CFAP299: variants seen among roughly 807,000 people sequenced by gnomAD.
The protein encoded by CFAP299 is cilia- and flagella-associated protein 299.
In CFAP299, 21 loss-of-function variants were observed where a neutral mutation model predicts 27.0. That is an observed-to-expected ratio of 0.78 (90% confidence interval 0.55 to 1.12). The LOEUF (loss-of-function observed/expected upper bound fraction) is 1.12, where lower values mean the gene tolerates loss of function less well. Ranked by LOEUF, CFAP299 falls within the 50% of genes most tolerant of loss-of-function variation. The pLI is 0.00. For synonymous variants in CFAP299, 104 were observed against 98.1 expected, an observed-to-expected ratio of 1.06 and a Z score of -0.36; for missense variants, 310 against 276.6, an observed-to-expected ratio of 1.12 and a Z score of -0.86.
intron 2 of CFAP299, among the ~76,000 whole-genome samples, chr4:80,582,415 G>A (rs1168156180): frequency 6.6e-6 from 1 of 151,828 alleles, no homozygotes; most frequent in South Asian, 2.1e-4. Flanking sequence ...CTGGTTCATA[G>A]CAGACACATA....
intron 2 of CFAP299, among the ~76,000 whole-genome samples, chr4:80,437,420 A>T (rs1728143550): frequency 6.6e-6 from 1 of 152,214 alleles, no homozygotes. Flanking sequence ...TATTATTCAC[A>T]GAAATAGCAG....
At chr4:80,526,588 C>T (rs1358906262) in intron 2 of CFAP299, among the ~76,000 whole-genome samples, 1 of 151,698 alleles carries the variant, frequency 6.6e-6, no homozygotes, top group Non-Finnish European at 1.5e-5. Flanking sequence ...TCTGTACAAC[C>T]CTACATTTTC....
chr4:80,918,951 G>C (rs1363116888), intron 4 of CFAP299, among the ~76,000 whole-genome samples: 2 of 152,082 alleles, frequency 1.3e-5, no homozygotes, highest in African/African-American at 4.8e-5. Context: ...AGACTGTGAT[G>C]GTGGCTGAGA....
intron 2 of CFAP299, among the ~76,000 whole-genome samples, chr4:80,380,422 A>T (rs867063425): frequency 3.7e-4 from 36 of 96,134 alleles, no homozygotes; most frequent in African/African-American, 9.2e-4. Context: ...TGTGTCTCAC[A>T]TTTTTTTTTT....
chr4:80,540,349 G>C (rs972539978), intron 2 of CFAP299, among the ~76,000 whole-genome samples: 3 of 152,168 alleles, frequency 2.0e-5, no homozygotes, highest in Admixed American at 2.0e-4. Flanking sequence ...AACGTTCCTA[G>C]TTTGAGAAAT....
At chr4:80,812,288 C>T (rs1009326887) in intron 3 of CFAP299, among the ~76,000 whole-genome samples, 2 of 152,058 alleles carry the variant, frequency 1.3e-5, no homozygotes, top group African/African-American at 2.4e-5. Context: ...CCCTGCCTCC[C>T]ATGAGACTGC....
intron 2 of CFAP299, among the ~76,000 whole-genome samples, chr4:80,493,323 G>A (rs936495555): frequency 1.3e-5 from 2 of 152,204 alleles, no homozygotes; most frequent in Non-Finnish European, 2.9e-5. Flanking sequence ...CAAGGGAGAG[G>A]AAGGGATTCT....
At chr4:80,670,003 A>G (rs146151734) in intron 3 of CFAP299, among the ~76,000 whole-genome samples, 1,625 of 151,424 alleles carry the variant, frequency 0.011, 23 homozygotes, top group African/African-American at 0.037. Flanking sequence ...TTTTTTAAAA[A>G]TATACTTTAA....
chr4:80,437,471 C>T (rs115824713), intron 2 of CFAP299, among the ~76,000 whole-genome samples: 286 of 152,212 alleles, frequency 1.9e-3, no homozygotes, highest in Non-Finnish European at 2.7e-3. Flanking sequence ...TTCTCTGAGC[C>T]CCAGTTTCCA....
chr4:80,376,567 G>A (rs921038090), intron 2 of CFAP299, among the ~76,000 whole-genome samples: 1 of 152,132 alleles, frequency 6.6e-6, no homozygotes, highest in Non-Finnish European at 1.5e-5. Context: ...ATTTATTTAA[G>A]AACACATGGT....
chr4:80,565,547 CA>C (rs1735239160), intron 2 of CFAP299, among the ~76,000 whole-genome samples: 1 of 152,066 alleles, frequency 6.6e-6, no homozygotes, highest in South Asian at 2.1e-4. Context: ...TTGTAGATTT[CA>C]TTGTAGAATT....
intron 2 of CFAP299, among the ~76,000 whole-genome samples, chr4:80,471,647 A>G (rs963353052): frequency 6.6e-6 from 1 of 150,898 alleles, no homozygotes; most frequent in African/African-American, 2.4e-5. Context: ...CTGCTTTCAA[A>G]TCTGTTAATT....
chr4:80,950,420 G>A (rs115055255), intron 5 of CFAP299, among the ~76,000 whole-genome samples: 158 of 152,140 alleles, frequency 1.0e-3, no homozygotes, highest in African/African-American at 3.6e-3. Flanking sequence ...TAACCTGAGA[G>A]GACAGAAAAA....
intron 2 of CFAP299, among the ~76,000 whole-genome samples, chr4:80,529,590 AAT>A (rs945427714): frequency 2.0e-5 from 3 of 152,142 alleles, no homozygotes; most frequent in African/African-American, 7.2e-5. Context: ...TGGCTACCAT[AAT>A]ATATATTTTT....
rs532517080 is a variant in CFAP299 at position 80,864,788 on chromosome 4, A to C, written c.334-5205A>C. Among the ~76,000 whole-genome samples the C allele has an allele frequency of 3.3e-5, 5 of 152,180 alleles. No individual in the cohort carries two copies. In the South Asian group the frequency reaches 1.0e-3, roughly 32 times the overall value. On this transcript the variant is annotated intron_variant, in intron 3 of 5. Transcript: ENST00000358105. ...AGCAACATTAATGACAAAAGTTTTC[A>C]AAAGCAATAGATATTATTTATTGAG...
chr4:80,630,204 G>A (rs1210832573), intron 3 of CFAP299, among the ~76,000 whole-genome samples: 2 of 152,256 alleles, frequency 1.3e-5, no homozygotes, highest in African/African-American at 2.4e-5. Context: ...TGATACAAAA[G>A]CAGTATTTTT....
chr4:80,401,093 G>A (rs188725974), intron 2 of CFAP299, among the ~76,000 whole-genome samples: 2 of 152,292 alleles, frequency 1.3e-5, no homozygotes, highest in Non-Finnish European at 2.9e-5. Context: ...CATTCAGGAG[G>A]TTACTTGGGT....
At chr4:80,840,035 G>T in intron 3 of CFAP299, among the ~76,000 whole-genome samples, 1 of 152,142 alleles carries the variant, frequency 6.6e-6, no homozygotes, top group East Asian at 1.9e-4. Context: ...AAACCCATAT[G>T]CAAAGACATT....
rs892194328 is a variant in CFAP299, at chr4:80,762,790, C to A, written c.334-107203C>A. Among the ~76,000 whole-genome samples, 16 of 152,202 alleles carry A rather than the reference C, an allele frequency of 1.1e-4. 1 individual carries two copies. Among genetic ancestry groups the A allele is most frequent in the African/African-American group, 3.9e-4 (16 of 41,546 alleles). ...CCAAAGCCACACTATTTTCCCAGGGCAGCCAGCATCCAATGATGGACACAG... is the reference window on the plus strand; with the variant it reads ...CCAAAGCCACACTATTTTCCCAGGGAAGCCAGCATCCAATGATGGACACAG... On this transcript the variant is annotated intron_variant, in intron 3 of 5. Coordinates refer to ENST00000358105, the MANE Select transcript of CFAP299 (RefSeq NM_152770.3).
Sources: allele counts gnomAD v4.1 joint callset (sites outside exome capture counted in the v4.1 genomes callset), GRCh38; gene constraint gnomAD v4.1.1; transcripts MANE v1.5; gene names NCBI Gene and HGNC (gene_info 2026-07-23, HGNC 2026-07-21).